The following DPP6 variants were observed in gnomAD, a reference collection of about 807,000 sequenced individuals.
The protein encoded by DPP6 is A-type potassium channel modulatory protein DPP6.
In DPP6, 69 loss-of-function variants were observed where a neutral mutation model predicts 122.6. The ratio of observed to expected loss-of-function variants is 0.56; its 90% CI spans 0.46 to 0.69. The LOEUF is 0.69. DPP6 is among the 30% of genes least tolerant of loss of function. DPP6 has a pLI of 0.00. For missense variants in DPP6, 928 were observed against 1,116.9 expected (o/e 0.83, Z 2.41); for synonymous variants, 418 against 433.1 (o/e 0.97, Z 0.43).
At chr7:154,747,221 C>T (rs1420203573) in intron 8 of DPP6, among the ~76,000 whole-genome samples, 1 of 152,220 alleles carries the variant, frequency 6.6e-6, no homozygotes, top group Non-Finnish European at 1.5e-5. Flanking sequence ...TTAATTGGCC[C>T]TGTACCACTT....
intron 4 of DPP6, among the ~76,000 whole-genome samples, chr7:154,562,713 C>A (rs995804483): frequency 6.6e-6 from 1 of 151,962 alleles, no homozygotes; most frequent in Non-Finnish European, 1.5e-5. Flanking sequence ...AAAATATCTA[C>A]CAGAACAAAT....
At chr7:154,678,233 C>T (rs1269662034) in intron 7 of DPP6, among the ~76,000 whole-genome samples, 1 of 152,208 alleles carries the variant, frequency 6.6e-6, no homozygotes, top group Admixed American at 6.5e-5. Context: ...CCACCGCCGC[C>T]CAACAGCTGC....
chr7:154,416,504 C>T (rs570508241), intron 1 of DPP6, among the ~76,000 whole-genome samples: 11 of 152,182 alleles, frequency 7.2e-5, no homozygotes, highest in Non-Finnish European at 1.0e-4. Context: ...CATTGTTATA[C>T]ATGTTCTATT....
At chr7:154,539,405 TCTCA>T (rs1341674534) in intron 3 of DPP6, among the ~76,000 whole-genome samples, 8 of 152,182 alleles carry the variant, frequency 5.3e-5, no homozygotes, top group African/African-American at 1.9e-4. Context: ...GTACGCATGT[TCTCA>T]CTCATAGGTG....
At chr7:154,260,301 T>G (rs560558358) in intron 1 of DPP6, among the ~76,000 whole-genome samples, 12 of 152,234 alleles carry the variant, frequency 7.9e-5, no homozygotes, top group Admixed American at 2.0e-4. Context: ...AAAAAATTAT[T>G]TTATTTCCAT....
chr7:154,322,470 T>G (rs1446515606), intron 1 of DPP6, among the ~76,000 whole-genome samples: 2 of 152,204 alleles, frequency 1.3e-5, no homozygotes, highest in Non-Finnish European at 2.9e-5. Context: ...GTCTAAAACT[T>G]TATACCTGTG....
intron 1 of DPP6, among the ~76,000 whole-genome samples, chr7:153,948,283 A>G (rs1802039380): frequency 6.6e-6 from 1 of 152,228 alleles, no homozygotes; most frequent in Non-Finnish European, 1.5e-5. Context: ...GGGATGGCAA[A>G]GGAAGAGCCG....
At chr7:154,028,984 A>C (rs1218662893) in intron 1 of DPP6, among the ~76,000 whole-genome samples, 1 of 146,120 alleles carries the variant, frequency 6.8e-6, no homozygotes, top group African/African-American at 2.6e-5. Flanking sequence ...TCACACTGCC[A>C]CCTCCCCTCT....
chr7:154,622,392 G>T (rs1354637299), intron 5 of DPP6, among the ~76,000 whole-genome samples: 1 of 152,184 alleles, frequency 6.6e-6, no homozygotes, highest in African/African-American at 2.4e-5. Context: ...GCTTGCTCCT[G>T]TTTACCTGTA....
chr7:154,839,656 C>T (rs1030212397), intron 16 of DPP6, among the ~76,000 whole-genome samples: 4 of 152,144 alleles, frequency 2.6e-5, no homozygotes, highest in Non-Finnish European at 5.9e-5. Context: ...AGGCAGAGAG[C>T]CATCACAGAG....
At chr7:154,825,683 C>T (rs540570066) in intron 16 of DPP6, among the ~76,000 whole-genome samples, 4 of 152,328 alleles carry the variant, frequency 2.6e-5, no homozygotes, top group African/African-American at 9.6e-5. Flanking sequence ...AGGACTGCTT[C>T]CCGTGCCCCA....
At chr7:154,239,352 A>G (rs568517047) in intron 1 of DPP6, among the ~76,000 whole-genome samples, 18 of 152,134 alleles carry the variant, frequency 1.2e-4, no homozygotes, top group Non-Finnish European at 2.1e-4. Context: ...TTCCACTTAT[A>G]TGTGGATTTT....
intron 18 of DPP6, among the ~76,000 whole-genome samples, chr7:154,872,364 CGTGCATTCA>C (rs1804471061): frequency 6.6e-6 from 1 of 152,014 alleles, no homozygotes; most frequent in African/African-American, 2.4e-5. Context: ...TCGAGTCTTC[CGTGCATTCA>C]GTGCACTCCC....
chr7:154,130,798 G>T (rs1585442765), intron 1 of DPP6, among the ~76,000 whole-genome samples: 3 of 152,088 alleles, frequency 2.0e-5, no homozygotes, highest in South Asian at 4.2e-4. Context: ...CTGAGAGTCA[G>T]ACTTCAGCCT....
intron 1 of DPP6, among the ~76,000 whole-genome samples, chr7:154,239,992 T>TAAAAAAAAAAAAAAA (rs763543397): frequency 7.9e-5 from 4 of 50,396 alleles, no homozygotes; most frequent in African/African-American, 1.8e-4. Flanking sequence ...ATGCTGTCTT[T>TAAAAAAAAAAAAAAA]AAAAAAAAAA....
chr7:154,756,804 A>G (rs1459271310), intron 8 of DPP6, among the ~76,000 whole-genome samples: 2 of 152,024 alleles, frequency 1.3e-5, no homozygotes, highest in African/African-American at 4.8e-5. Flanking sequence ...TCCTAGAACA[A>G]CGAGAGAAAA....
intron 1 of DPP6, among the ~76,000 whole-genome samples, chr7:154,023,836 A>T (rs915190442): frequency 2.0e-5 from 3 of 152,072 alleles, no homozygotes; most frequent in African/African-American, 7.3e-5. Flanking sequence ...CACGCCTCCA[A>T]AAATACTTTG....
At chr7:154,552,040 A>C (rs902741) in intron 4 of DPP6, among the ~76,000 whole-genome samples, 233 of 152,030 alleles carry the variant, frequency 1.5e-3, no homozygotes, top group African/African-American at 5.2e-3. Context: ...CATTTTAGGC[A>C]TTTCAAAGGG....
At chr7:153,865,397 G>A in the DPP6 span, among the ~76,000 whole-genome samples, 8 of 152,210 alleles carry the variant, frequency 5.3e-5, no homozygotes, top group South Asian at 1.7e-3. Flanking sequence ...TTCTTGGCAG[G>A]AGACCATAAT....
Sources: gnomAD v4.1 joint callset for allele counts (sites outside exome capture counted in the v4.1 genomes callset) on GRCh38, gnomAD v4.1.1 for gene constraint, MANE v1.5 for transcripts, NCBI Gene and HGNC (gene_info 2026-07-23, HGNC 2026-07-21) for gene names.